Variants in RPP40 observed in about 807,000 individuals in gnomAD.
The protein encoded by RPP40 is ribonuclease P/MRP subunit p40.
In RPP40, 30 loss-of-function variants were observed where a neutral mutation model predicts 42.5. That is an observed-to-expected ratio of 0.71 (90% CI 0.53 to 0.96). The LOEUF is 0.96. RPP40 is among the 40% of genes least tolerant of loss of function. The pLI is 0.00. For synonymous variants in RPP40, 173 were observed against 164.0 expected (o/e 1.05, Z -0.42); for missense variants, 426 against 433.5 (o/e 0.98, Z 0.15).
At chr6:4,995,655 C>A (rs143386495) in intron 7 of RPP40, among the ~76,000 whole-genome samples, 4 of 152,218 alleles carry the variant, frequency 2.6e-5, no homozygotes, top group East Asian at 3.9e-4. Flanking sequence ...TTTTTCATAT[C>A]CAGCCTTCCT....
At chr6:5,002,609 A>G (rs985970202) in intron 1 of RPP40, among the ~76,000 whole-genome samples, 1 of 152,118 alleles carries the variant, frequency 6.6e-6, no homozygotes, top group Non-Finnish European at 1.5e-5. Context: ...ATATCCCTTG[A>G]TTTGTTTACC....
At chr6:5,000,349 G>A (rs573734509) in intron 3 of RPP40, among the ~76,000 whole-genome samples, 122 of 152,068 alleles carry the variant, frequency 8.0e-4, no homozygotes, top group African/African-American at 2.5e-3. Context: ...CCACCACGCC[G>A]GCTAATTTTT....
chr6:4,990,313 C>G (rs1759244060), downstream of RPP40, among the ~76,000 whole-genome samples: 1 of 152,098 alleles, frequency 6.6e-6, no homozygotes, highest in South Asian at 2.1e-4. Flanking sequence ...TCTTGTAGGA[C>G]TCAATTTGAT....
At chr6:4,995,855 T>C (rs528705277) in intron 7 of RPP40, 96 bp downstream of exon 7, 7 of 1,222,700 alleles carry the variant, frequency 5.7e-6, no homozygotes, top group African/African-American at 1.5e-5. Flanking sequence ...GTACATTTTA[T>C]TTATATACCA....
chr6:4,998,732 C>A lies in RPP40; in HGVS notation c.543G>T (p.Leu181Phe). 6.4e-7 allele frequency: 1 copy of A among 1,551,230 alleles called. No homozygotes were observed. ...EKKPLKFDFLLAWHKTGSEES... is the reference protein window; with the variant it reads ...EKKPLKFDFLFAWHKTGSEES... ...TCCTCATACCTGTTTTATGCCAAGCCAAAAGAAAATCAAATTTCAATGGCT... is the reference window on the plus strand; with the variant it reads ...TCCTCATACCTGTTTTATGCCAAGCAAAAAGAAAATCAAATTTCAATGGCT... The change falls in exon 5 of 8, where the codon TTG (leucine) becomes TTT (phenylalanine). Residue 181 changes from leucine to phenylalanine, a missense_variant. Physicochemically the swap from Leu to Phe is conservative, Grantham distance 22. Coordinates refer to ENST00000380051, the MANE Select transcript of RPP40 (RefSeq NM_006638.4).
downstream of RPP40, among the ~76,000 whole-genome samples, chr6:4,993,492 C>T (rs188789808): frequency 2.3e-3 from 352 of 152,292 alleles, no homozygotes; most frequent in Admixed American, 4.6e-3. Flanking sequence ...TGAGACTTAA[C>T]GGCCTGCTTC....
rs773700503 is a variant in RPP40 at position 5,002,194 on chromosome 6, G to C, written c.175C>G (p.Leu59Val). 3.7e-6 allele frequency: 6 copies of C among 1,613,066 alleles called. No homozygotes were observed. In the Admixed American group the frequency reaches 1.0e-4, roughly 27 times the overall value. Residue 59 changes from leucine to valine, a missense_variant, in exon 2 of 8, where the codon CTG becomes GTG. Leu to Val is a conservative substitution (Grantham distance 32, BLOSUM62 1). Transcript: ENST00000380051. ...TAATAGGGTCCAGTGTTCATGACCA[G>C]GTTTTTCAGTTCTTCCGATAGTATC... The part of the protein sequence containing the change: ...CGILSEELKN[L>V]VMNTGPYYFV...
rs1258031744 is a variant in RPP40 at position 4,996,294 on chromosome 6, C to T, written c.686G>A (p.Gly229Glu). Residue 229 changes from glycine (G) to glutamate (E), a missense_variant, in exon 6 of 8, where the codon GGA becomes GAA. Coordinates refer to ENST00000380051, the MANE Select transcript of RPP40 (RefSeq NM_006638.4). ...CPVLQSSELE[G>E]TPEVSCRALE... ...AGCCCGGCAGGACACCTCTGGCGTT[C>T]CCTCCAGCTCGCTGCTCTGCAGCAC... 5 of 1,613,998 alleles carry T rather than the reference C, an allele frequency of 3.1e-6. No individual in the cohort carries two copies. The highest frequency in any genetic ancestry group is 1.3e-5 in the African/African-American group (1 of 74,940).
rs1246986 is a variant in RPP40 at position 4,994,898 on chromosome 6, T to A, written c.*180A>T. The A allele has an allele frequency of 9.1e-5, 55 of 606,490 alleles. No homozygotes were observed. Among genetic ancestry groups the A allele is most frequent in the South Asian group, 2.5e-4 (12 of 48,286 alleles). The allele number at this position is 606,490 out of a possible 1,614,324, so 37.6% of individuals were successfully genotyped here. On this transcript the variant is annotated 3_prime_UTR_variant, in exon 8 of 8. Coordinates refer to ENST00000380051, the MANE Select transcript of RPP40 (RefSeq NM_006638.4). ...GAGAAATCAACTATGAGCTATTCAC[T>A]GGACAGCAGGCCTTGCTGCCATCAC...
chr6:5,002,956 C>A (rs1367704643), intron 1 of RPP40, among the ~76,000 whole-genome samples: 1 of 152,232 alleles, frequency 6.6e-6, no homozygotes, highest in African/African-American at 2.4e-5. Context: ...AGTTATTAAG[C>A]TGATCCATTT....
rs371187883 is a variant in RPP40, at chr6:4,996,254, G to A, written c.726C>T (p.Asp242=). The change falls in exon 6 of 8, where the codon GAC becomes GAT. Residue 242 remains aspartate (D), a synonymous_variant. Coordinates refer to ENST00000380051, the MANE Select transcript of RPP40 (RefSeq NM_006638.4). ...CATTACTGAAGACGGCGCCGAGCCA[G>A]TCGAAGAGCTCCAGAGCCCGGCAGG... ...EVSCRALELF[D]WLGAVFSNVD... 1.2e-4 allele frequency: 188 copies of A among 1,614,072 alleles called. No individual in the cohort carries two copies. In the African/African-American group the frequency reaches 2.2e-3, roughly 19 times the overall value.
downstream of RPP40, among the ~76,000 whole-genome samples, chr6:4,990,834 T>C (rs778095461): frequency 2.6e-4 from 40 of 152,126 alleles, no homozygotes; most frequent in East Asian, 3.8e-4. Context: ...TTAACAGATA[T>C]AGGGCTATTC....
At chr6:4,988,615 A>G in the RPP40 span, among the ~76,000 whole-genome samples, 1 of 152,182 alleles carries the variant, frequency 6.6e-6, no homozygotes, top group Non-Finnish European at 1.5e-5. Context: ...TTCACTCCAT[A>G]TAATTCCCTT....
At chr6:4,999,976 G>C (rs1007879815) in intron 3 of RPP40, 72 bp from the exon 4 acceptor site, 5 of 864,370 alleles carry the variant, frequency 5.8e-6, no homozygotes, top group African/African-American at 1.7e-5. Flanking sequence ...AAGAAAGCAA[G>C]GCAAATTGAG....
rs778740429 is a variant in RPP40 at position 4,996,319 on chromosome 6, C to T, written c.661G>A (p.Val221Met). The T allele has an allele frequency of 1.4e-5, 22 of 1,614,194 alleles. No individual in the cohort carries two copies. The South Asian group carries it at 2.4e-4, about 18-fold the overall frequency. Residue 221 changes from valine (V) to methionine (M), a missense_variant, in exon 6 of 8, where the codon GTG becomes ATG. Transcript: ENST00000380051. Reference sequence around the variant, plus strand: ...CCCTCCAGCTCGCTGCTCTGCAGCACTGGGCACTGGAGATCTCTCAACGTG... The same window carrying T: ...CCCTCCAGCTCGCTGCTCTGCAGCATTGGGCACTGGAGATCTCTCAACGTG... ...LSTLRDLQCP[V>M]LQSSELEGTP...
chr6:4,996,187 G>C, intron 6 of RPP40, 35 bp downstream of exon 6: 1 of 1,608,580 alleles, frequency 6.2e-7, no homozygotes, highest in East Asian at 2.2e-5. Flanking sequence ...CAGCAGGCCA[G>C]AGCCCTGGAA....
chr6:5,003,617 G>C (rs1284213729), intron 1 of RPP40: 1 of 365,356 alleles, frequency 2.7e-6, no homozygotes, highest in African/African-American at 2.1e-5. Flanking sequence ...CGAGTGAGCA[G>C]CCAGAACGCC....
chr6:4,999,840 A>C lies in RPP40; in HGVS notation c.402T>G (p.Ser134=). The change falls in exon 4 of 8, where the codon TCT becomes TCG. Residue 134 remains serine (S), a synonymous_variant. Transcript: ENST00000380051. ...YEETGLQGHP[S]QFSGRKIMKF... is the part of the protein sequence containing the mutation. ...TCATAATTTTTCTGCCAGAAAACTG[A>C]GATGGATGACCCTGAAGTCCAGTTT... 1.2e-6 allele frequency: 2 copies of C among 1,606,646 alleles called. No homozygotes were observed. The highest frequency in any genetic ancestry group is 1.7e-6 in the Non-Finnish European group (2 of 1,173,650).
downstream of RPP40, among the ~76,000 whole-genome samples, chr6:4,990,863 TG>T (rs756794337): frequency 3.3e-5 from 5 of 152,170 alleles, no homozygotes; most frequent in Non-Finnish European, 7.3e-5. Flanking sequence ...TACTTCTTCT[TG>T]GGTGAGCTTT....
Sources: allele counts gnomAD v4.1 joint callset (sites outside exome capture counted in the v4.1 genomes callset), GRCh38; gene constraint gnomAD v4.1.1; transcripts MANE v1.5; gene names NCBI Gene and HGNC (gene_info 2026-07-23, HGNC 2026-07-21).